Variants in LDLRAD4 observed in about 807,000 individuals in gnomAD.
The protein encoded by LDLRAD4 is low-density lipoprotein receptor class A domain-containing protein 4.
Under a neutral mutation model 17.0 loss-of-function variants are expected in LDLRAD4, and 5 were observed. The observed-to-expected ratio is 0.29, with a 90% CI of 0.15 to 0.62. LDLRAD4 has a LOEUF of 0.62. Among genes scored for constraint, LDLRAD4 ranks in the 20% least tolerant of loss-of-function variants. The probability of loss-of-function intolerance (pLI) is 0.84; values close to 1 mark genes in which losing one functional copy is unlikely to be tolerated. For missense variants in LDLRAD4, 340 were observed against 424.7 expected (o/e 0.80, Z 1.75); for synonymous variants, 168 against 171.8 (o/e 0.98, Z 0.17).
At chr18:13,561,163 A>G (rs2094536674) in intron 3 of LDLRAD4, among the ~76,000 whole-genome samples, 1 of 152,290 alleles carries the variant, frequency 6.6e-6, no homozygotes, top group Middle Eastern at 3.4e-3. Context: ...CACTGGAGCT[A>G]TTCTTCAGGT....
chr18:13,449,455 C>A (rs770225085), intron 3 of LDLRAD4, among the ~76,000 whole-genome samples: 1 of 152,224 alleles, frequency 6.6e-6, no homozygotes, highest in South Asian at 2.1e-4. Context: ...AATCTTGGGA[C>A]CATAAAGTGC....
chr18:13,354,727 A>T (rs2083239986), intron 1 of LDLRAD4, among the ~76,000 whole-genome samples: 1 of 152,234 alleles, frequency 6.6e-6, no homozygotes, highest in African/African-American at 2.4e-5. Flanking sequence ...ACTTTCTTTT[A>T]AAATATATTC....
At chr18:13,417,740 C>T (rs1167918769) in intron 2 of LDLRAD4, among the ~76,000 whole-genome samples, 1 of 152,174 alleles carries the variant, frequency 6.6e-6, no homozygotes, top group African/African-American at 2.4e-5. Flanking sequence ...AGCCAGTTTG[C>T]TGTTTTTCAA....
At chr18:13,441,144 A>C (rs1415185316) in intron 3 of LDLRAD4, among the ~76,000 whole-genome samples, 1 of 152,162 alleles carries the variant, frequency 6.6e-6, no homozygotes, top group African/African-American at 2.4e-5. Flanking sequence ...AGGAGGCCAG[A>C]GGGTGGCCTC....
intron 1 of LDLRAD4, among the ~76,000 whole-genome samples, chr18:13,321,163 CCAGCAGACAGGCTGCCTG>C (rs2081196554): frequency 6.6e-6 from 1 of 152,114 alleles, no homozygotes; most frequent in Non-Finnish European, 1.5e-5. Flanking sequence ...CTTCTCTGGC[CCAGCAGACAGGCTGCCTG>C]CTGCAGACAG....
At chr18:13,535,729 C>A (rs979859862) in intron 3 of LDLRAD4, among the ~76,000 whole-genome samples, 3 of 152,100 alleles carry the variant, frequency 2.0e-5, no homozygotes, top group Non-Finnish European at 2.9e-5. Flanking sequence ...AATCTTTGCC[C>A]AACCTAATGT....
chr18:13,584,178 A>C (rs541801214), intron 3 of LDLRAD4, among the ~76,000 whole-genome samples: 3 of 151,870 alleles, frequency 2.0e-5, no homozygotes, highest in East Asian at 3.9e-4. Context: ...AATGCCCTGG[A>C]CTCCAATTGC....
chr18:13,244,829 C>G (rs2042877356), intron 1 of LDLRAD4, among the ~76,000 whole-genome samples: 1 of 152,150 alleles, frequency 6.6e-6, no homozygotes, highest in Non-Finnish European at 1.5e-5. Flanking sequence ...TTGCTGTCTT[C>G]ATGGACAGGT....
intron 3 of LDLRAD4, among the ~76,000 whole-genome samples, chr18:13,483,602 T>C (rs1451880749): frequency 6.6e-6 from 1 of 152,242 alleles, no homozygotes; most frequent in Non-Finnish European, 1.5e-5. Context: ...TCCAGGCTTC[T>C]GGCCCCTAGT....
chr18:13,383,858 G>A (rs767687393), intron 1 of LDLRAD4, among the ~76,000 whole-genome samples: 2 of 152,178 alleles, frequency 1.3e-5, no homozygotes, highest in East Asian at 1.9e-4. Context: ...CCTCTGCTGC[G>A]TATTCCTAGA....
intron 1 of LDLRAD4, among the ~76,000 whole-genome samples, chr18:13,290,560 T>TAAA (rs75826861): frequency 4.1e-5 from 6 of 145,634 alleles, no homozygotes; most frequent in African/African-American, 1.5e-4. Context: ...AGGTATTCTT[T>TAAA]AAAAAAAAAA....
chr18:13,247,267 C>T (rs1299448086), intron 1 of LDLRAD4, among the ~76,000 whole-genome samples: 2 of 152,160 alleles, frequency 1.3e-5, no homozygotes, highest in Non-Finnish European at 1.5e-5. Flanking sequence ...AGAAGACTTA[C>T]GAAGATTGTG....
In LDLRAD4 at chr18:13,561,138, G is replaced by C. The variant is rs1455299514; in HGVS notation, c.182-59979G>C. Among the ~76,000 whole-genome samples, 5 of 53,118 alleles carry C rather than the reference G, an allele frequency of 9.4e-5. No individual in the cohort carries two copies. The East Asian group carries it at 1.6e-3, about 17-fold the overall frequency. 34.8% of individuals were successfully genotyped at this position (53,118 alleles called of 152,430 possible). ...TTACTGTCTCAGGGAACATCCTGCA[G>C]ATATTCAGGGCCCACACTGGAGCTA... On this transcript the variant is annotated intron_variant, in intron 3 of 5. Coordinates refer to ENST00000359446, the Ensembl canonical transcript of LDLRAD4.
chr18:13,304,813 G>T (rs1014771350), intron 1 of LDLRAD4, among the ~76,000 whole-genome samples: 3 of 152,196 alleles, frequency 2.0e-5, no homozygotes, highest in African/African-American at 7.2e-5. Flanking sequence ...CTGCTGTGGG[G>T]GTGTAGGAGG....
exon 6 of LDLRAD4, chr18:13,649,885 G>A: frequency 5.0e-6 from 2 of 396,428 alleles, no homozygotes; most frequent in Non-Finnish European, 8.9e-6. Context: ...TGCTCACACT[G>A]ACCAAGAATG....
chr18:13,224,687 A>G (rs2041670099), intron 1 of LDLRAD4, among the ~76,000 whole-genome samples: 1 of 151,022 alleles, frequency 6.6e-6, no homozygotes, highest in Non-Finnish European at 1.5e-5. Context: ...TCAGCGTGTT[A>G]GCCAGGATGG....
intron 2 of LDLRAD4, among the ~76,000 whole-genome samples, chr18:13,388,350 A>G (rs941285874): frequency 3.3e-5 from 5 of 152,172 alleles, no homozygotes; most frequent in African/African-American, 1.2e-4. Flanking sequence ...GGAGATTTTG[A>G]ATTTGGATCC....
chr18:13,391,273 C>T (rs1378935201), intron 2 of LDLRAD4, among the ~76,000 whole-genome samples: 1 of 152,066 alleles, frequency 6.6e-6, no homozygotes, highest in Non-Finnish European at 1.5e-5. Flanking sequence ...CAGAATTCCT[C>T]TTTAAGAGGG....
rs10468689 is a variant in LDLRAD4, at chr18:13,300,492, C to A, written c.-383+22304C>A. On this transcript the variant is annotated intron_variant, in intron 1 of 5. Coordinates refer to ENST00000359446, the Ensembl canonical transcript of LDLRAD4. The surrounding 1 kb of genome is among the most constrained non-coding windows in gnomAD (Gnocchi z 4.2). ...GAGGCCTGCAATAAGGCACCCGGTGCCAGCATGGAGCCCCATTGTCCTCAC... is the reference window on the plus strand; with the variant it reads ...GAGGCCTGCAATAAGGCACCCGGTGACAGCATGGAGCCCCATTGTCCTCAC... Among the ~76,000 whole-genome samples, 1,163 of 152,330 alleles carry A rather than the reference C, an allele frequency of 7.6e-3. 21 individuals are homozygous for A. Among genetic ancestry groups the A allele is most frequent in the African/African-American group, 0.027 (1,104 of 41,580 alleles).
Sources: gnomAD v4.1 joint callset for allele counts (sites outside exome capture counted in the v4.1 genomes callset) on GRCh38, gnomAD v4.1.1 for gene constraint, Gnocchi (gnomAD v3.1) non-coding constraint, MANE v1.5 for transcripts, NCBI Gene and HGNC (gene_info 2026-07-23, HGNC 2026-07-21) for gene names.